POLI: variants seen among roughly 807,000 people sequenced by gnomAD.
The protein encoded by POLI is DNA polymerase iota.
Under a neutral mutation model 51.6 loss-of-function variants are expected in POLI, and 58 were observed. The ratio of observed to expected loss-of-function variants is 1.12; its 90% confidence interval spans 0.91 to 1.40. The LOEUF is 1.40. Among genes scored for constraint, POLI ranks in the 40% most tolerant of loss-of-function variants. The pLI is 0.00. For synonymous variants in POLI, 322 were observed against 299.7 expected (o/e 1.07, Z -0.77); for missense variants, 921 against 871.3 (o/e 1.06, Z -0.72).
rs764229888 is a variant in POLI at position 54,282,948 on chromosome 18, C to T, written c.908C>T (p.Ala303Val). 1.2e-6 allele frequency: 2 copies of T among 1,609,712 alleles called. No homozygotes were observed. The highest frequency in any genetic ancestry group is 1.7e-6 in the Non-Finnish European group (2 of 1,177,778). Residue 303 changes from alanine to valine, a missense_variant, in exon 6 of 10, where the codon GCT becomes GTT. Physicochemically the swap from Ala to Val is moderately conservative, Grantham distance 64. Coordinates refer to ENST00000579534, the MANE Select transcript of POLI (RefSeq NM_007195.3). ...ILEKELGISV[A>V]QRIQKLSFGE... Reference sequence around the variant, plus strand: ...GAAAAAGAATTAGGAATTTCAGTTGCTCAGCGTATCCAAAAGCTCAGTTTT... The same window carrying T: ...GAAAAAGAATTAGGAATTTCAGTTGTTCAGCGTATCCAAAAGCTCAGTTTT...
At chr18:54,307,691 G>A (rs555216417) in intron 3 of POLI, among the ~76,000 whole-genome samples, 1 of 152,152 alleles carries the variant, frequency 6.6e-6, no homozygotes, top group Non-Finnish European at 1.5e-5. Context: ...GGGTGTTAAA[G>A]TCTCCCATTA....
At chr18:54,307,101 C>G (rs2088599048) in intron 3 of POLI, among the ~76,000 whole-genome samples, 1 of 152,148 alleles carries the variant, frequency 6.6e-6, no homozygotes. Context: ...CAGTTCTGCT[C>G]TCATCTTAGT....
intron 1 of POLI, chr18:54,270,513 C>T (rs1257087328): frequency 6.6e-6 from 1 of 152,176 alleles, no homozygotes; most frequent in Non-Finnish European, 1.5e-5. Context: ...GCTAGATCCC[C>T]CTAGTGTTAA....
chr18:54,293,939 T>C lies in POLI; in HGVS notation c.1695T>C (p.Ser565=), dbSNP rs2088156141. Residue 565 remains serine, a synonymous_variant, in exon 10 of 10, where the codon TCT becomes TCC. Transcript: ENST00000579534. ...KGSVSCPLHA[S]RGVLSFFSKK... ...GTGTGAGTTGTCCATTACATGCCTC[T>C]AGAGGAGTATTATCTTTCTTTTCTA... is the stretch of plus-strand genomic sequence containing the variant. 1 of 1,612,516 alleles carries C rather than the reference T, an allele frequency of 6.2e-7. No homozygotes were observed. The highest frequency in any genetic ancestry group is 8.5e-7 in the Non-Finnish European group (1 of 1,178,864).
chr18:54,306,714 T>C (rs1264634817), intron 3 of POLI, among the ~76,000 whole-genome samples: 2 of 152,206 alleles, frequency 1.3e-5, no homozygotes, highest in African/African-American at 4.8e-5. Flanking sequence ...TGGACTTTTT[T>C]TGGTTGGTAG....
intron 2 of POLI, among the ~76,000 whole-genome samples, chr18:54,271,842 G>A (rs2087017488): frequency 6.6e-6 from 1 of 152,218 alleles, no homozygotes; most frequent in African/African-American, 2.4e-5. Context: ...TTTAGTGGAA[G>A]TGTTCGTCTG....
chr18:54,307,748 C>T (rs763941000), intron 3 of POLI, among the ~76,000 whole-genome samples: 40 of 152,100 alleles, frequency 2.6e-4, no homozygotes, highest in Non-Finnish European at 5.0e-4. Context: ...TAAGGACTTG[C>T]TTTATGAATC....
intron 3 of POLI, among the ~76,000 whole-genome samples, chr18:54,316,348 C>G (rs1413746576): frequency 1.3e-5 from 2 of 152,106 alleles, no homozygotes; most frequent in Non-Finnish European, 2.9e-5. Flanking sequence ...CTAATAAAAT[C>G]TCATAAGCTT....
chr18:54,303,879 A>G (rs1253809549), intron 3 of POLI, among the ~76,000 whole-genome samples: 2 of 151,460 alleles, frequency 1.3e-5, no homozygotes, highest in Non-Finnish European at 2.9e-5. Context: ...AGTCATTTAC[A>G]TTAGGTATTT....
Position 54,269,650 on chromosome 18 carries a change from C to T in POLI, c.104C>T (p.Ala35Val). Reference sequence around the variant, plus strand: ...GAACTGGCGGACGTGGGGGCGGCAGCCAGCTCGCAGGGTGCGCCGCAGCCA... The same window carrying T: ...GAACTGGCGGACGTGGGGGCGGCAGTCAGCTCGCAGGGTGCGCCGCAGCCA... ...AMELADVGAA[A>V]SSQGVHDQVL... The change falls in exon 1 of 10, where the codon GCC becomes GTC. Residue 35 changes from alanine to valine, a missense_variant. By Grantham distance (64) the Ala-to-Val change is moderately conservative. Transcript: ENST00000579534. 1 of 1,507,556 alleles carries T rather than the reference C, an allele frequency of 6.6e-7. No homozygotes were observed. The highest frequency in any genetic ancestry group is 8.8e-7 in the Non-Finnish European group (1 of 1,131,344). 93.4% of individuals were successfully genotyped at this position (1,507,556 alleles called of 1,614,324 possible).
Position 54,291,871 on chromosome 18 carries a change from AT to A in POLI, c.1238del (p.Met413ArgfsTer8). 1 of 1,604,686 alleles carries A rather than the reference AT, an allele frequency of 6.2e-7. No homozygotes were observed. Among genetic ancestry groups the A allele is most frequent in the Non-Finnish European group, 8.5e-7 (1 of 1,172,234 alleles). The part of the protein sequence containing the change: ...DVMTPMVDIL[M>X]KLFRNMVNVK... ...GATGACCCCAATGGTTGATATACTT[AT>A]GAAACTTTTTCGAAATATGGTGAAT... On this transcript the variant is annotated frameshift_variant, in exon 9 of 10. Transcript: ENST00000579534. LOFTEE classifies it high-confidence loss of function.
chr18:54,271,148 G>C, intron 1 of POLI: 1 of 347,638 alleles, frequency 2.9e-6, no homozygotes, highest in Non-Finnish European at 4.9e-6. Context: ...TGAGAAAAAC[G>C]CAGTGCACAA....
Position 54,293,767 on chromosome 18 carries a change from A to G in POLI, c.1523A>G (p.Asn508Ser). 1 of 1,605,388 alleles carries G rather than the reference A, an allele frequency of 6.2e-7. No homozygotes were observed. Among genetic ancestry groups the G allele is most frequent in the Non-Finnish European group, 8.5e-7 (1 of 1,175,116 alleles). ...AGGGAGTCTCCACTAGATACCACAA[A>G]TTTTTCTAAAGAAAAAGACATTAAT... ...RTRESPLDTTNFSKEKDINEF... is the reference protein window; with the variant it reads ...RTRESPLDTTSFSKEKDINEF... The change falls in exon 10 of 10, where the codon AAT becomes AGT. Residue 508 changes from asparagine to serine, a missense_variant. Physicochemically the swap from Asn to Ser is conservative, Grantham distance 46. Transcript: ENST00000579534.
At chr18:54,320,760 T>C (rs1240836501) in intron 4 of POLI, among the ~76,000 whole-genome samples, 2 of 152,142 alleles carry the variant, frequency 1.3e-5, no homozygotes, top group African/African-American at 2.4e-5. Flanking sequence ...TGCTATCGAT[T>C]ATGATATAGT....
chr18:54,281,138 G>C (rs1161437471), intron 5 of POLI, among the ~76,000 whole-genome samples: 1 of 152,082 alleles, frequency 6.6e-6, no homozygotes, highest in Non-Finnish European at 1.5e-5. Context: ...ATCTACTTTT[G>C]TATGGTTAGA....
At chr18:54,318,079 C>T (rs2088756721) in intron 3 of POLI, among the ~76,000 whole-genome samples, 2 of 152,002 alleles carry the variant, frequency 1.3e-5, no homozygotes, top group South Asian at 4.2e-4. Flanking sequence ...ATAGTATATG[C>T]CTTGAAGCTA....
At position 54,294,956 on chromosome 18, in the gene POLI, CTT is replaced by C; in HGVS notation, c.*492_*493del. On this transcript the variant is annotated 3_prime_UTR_variant, in exon 10 of 10. Coordinates refer to ENST00000579534, the MANE Select transcript of POLI (RefSeq NM_007195.3). ...TACTACATTACATTTAGTATGTTGACTTTTAAAATACCAAAGCAATTTATATT... is the reference window on the plus strand; with the variant it reads ...TACTACATTACATTTAGTATGTTGACTTAAAATACCAAAGCAATTTATATT... 1 of 982,202 alleles carries C rather than the reference CTT, an allele frequency of 1.0e-6. No individual in the cohort carries two copies. Among genetic ancestry groups the C allele is most frequent in the African/African-American group, 1.7e-5 (1 of 57,220 alleles). The allele number at this position is 982,202 out of a possible 1,614,324, so 60.8% of individuals were successfully genotyped here.
At chr18:54,315,482 T>C (rs1242319464) in intron 3 of POLI, among the ~76,000 whole-genome samples, 1 of 152,184 alleles carries the variant, frequency 6.6e-6, no homozygotes, top group Non-Finnish European at 1.5e-5. Context: ...TTAGGTCCAA[T>C]TGGTCAAGTG....
At chr18:54,311,109 G>A (rs1222763939) in intron 3 of POLI, 1 of 984,506 alleles carries the variant, frequency 1.0e-6, no homozygotes, top group Non-Finnish European at 1.2e-6. Context: ...TGAAGAAAGT[G>A]AAATCAGTAT....
Sources: allele counts gnomAD v4.1 joint callset (sites outside exome capture counted in the v4.1 genomes callset), GRCh38; gene constraint gnomAD v4.1.1; transcripts MANE v1.5; gene names NCBI Gene and HGNC (gene_info 2026-07-23, HGNC 2026-07-21).